The following SAMD5 variants were observed in gnomAD, a reference collection of about 807,000 sequenced individuals.
The protein encoded by SAMD5 is sterile alpha motif domain-containing protein 5.
A neutral mutation model predicts 11.3 loss-of-function variants in SAMD5; 13 were observed. The observed-to-expected ratio is 1.15, with a 90% CI of 0.75 to 1.83. The LOEUF (loss-of-function observed/expected upper bound fraction) is 1.83, where lower values mean the gene tolerates loss of function less well. Ranked by LOEUF, SAMD5 falls within the 40% of genes most tolerant of loss-of-function variation. SAMD5 has a pLI of 0.00. For synonymous variants in SAMD5, 129 were observed against 111.3 expected (o/e 1.16, Z -1.00); for missense variants, 255 against 239.1 (o/e 1.07, Z -0.44).
At chr6:147,875,559 C>T in the SAMD5 span, among the ~76,000 whole-genome samples, 1 of 152,172 alleles carries the variant, frequency 6.6e-6, no homozygotes, top group Admixed American at 6.6e-5. Flanking sequence ...GTCCCCAGCC[C>T]CTGGTCTGTG....
At chr6:147,793,591 G>T in the SAMD5 span, among the ~76,000 whole-genome samples, 166 of 152,126 alleles carry the variant, frequency 1.1e-3, no homozygotes, top group African/African-American at 3.9e-3. Context: ...CAAACAACTG[G>T]GTATTATTTT....
chr6:147,759,882 A>G, the SAMD5 span, among the ~76,000 whole-genome samples: 1 of 152,222 alleles, frequency 6.6e-6, no homozygotes, highest in African/African-American at 2.4e-5. Context: ...TTACAATATT[A>G]TACAGAATAT....
the SAMD5 span, among the ~76,000 whole-genome samples, chr6:147,885,972 AG>A: frequency 1.1e-3 from 169 of 152,330 alleles, no homozygotes; most frequent in Admixed American, 2.7e-3. Flanking sequence ...AACATCAAAA[AG>A]TTTTCCAACT....
At chr6:147,778,729 T>C in the SAMD5 span, among the ~76,000 whole-genome samples, 1 of 152,138 alleles carries the variant, frequency 6.6e-6, no homozygotes, top group Non-Finnish European at 1.5e-5. Flanking sequence ...CCTTATCTGC[T>C]CTATTCTTCA....
chr6:147,910,047 G>C, the SAMD5 span, among the ~76,000 whole-genome samples: 3 of 152,092 alleles, frequency 2.0e-5, no homozygotes, highest in African/African-American at 7.2e-5. Context: ...AGAGCATTTA[G>C]TTTTCATAGA....
the SAMD5 span, among the ~76,000 whole-genome samples, chr6:147,814,970 G>T: frequency 6.6e-6 from 1 of 152,330 alleles, no homozygotes; most frequent in East Asian, 1.9e-4. Flanking sequence ...ACAGGTACCA[G>T]ATCTAAGGAG....
chr6:147,595,732 G>T (rs1789521860), intron 1 of SAMD5, among the ~76,000 whole-genome samples: 1 of 151,678 alleles, frequency 6.6e-6, no homozygotes, highest in African/African-American at 2.4e-5. Context: ...TCACCATGTT[G>T]GCCAGGAGGG....
chr6:147,593,073 A>T (rs1159542121), intron 1 of SAMD5, among the ~76,000 whole-genome samples: 1 of 152,112 alleles, frequency 6.6e-6, no homozygotes, highest in Non-Finnish European at 1.5e-5. Flanking sequence ...TGTTGGGGAA[A>T]TGGTGTGGTA....
At chr6:147,666,441 C>G (rs1790722252) in intron 1 of SAMD5, among the ~76,000 whole-genome samples, 1 of 152,160 alleles carries the variant, frequency 6.6e-6, no homozygotes. Context: ...GTCCTCCAGC[C>G]TGTTTCTGCT....
intron 1 of SAMD5, among the ~76,000 whole-genome samples, chr6:147,596,892 C>T (rs1789539829): frequency 6.6e-6 from 1 of 152,174 alleles, no homozygotes; most frequent in African/African-American, 2.4e-5. Context: ...TGTTTCTTTA[C>T]ATTTATTCAG....
chr6:147,744,405 T>C, the SAMD5 span, among the ~76,000 whole-genome samples: 1 of 152,132 alleles, frequency 6.6e-6, no homozygotes, highest in Non-Finnish European at 1.5e-5. Flanking sequence ...AGGATAAAAG[T>C]GTAACAAATG....
intron 1 of SAMD5, among the ~76,000 whole-genome samples, chr6:147,529,336 A>G (rs1269787215): frequency 1.3e-5 from 2 of 152,194 alleles, no homozygotes; most frequent in African/African-American, 2.4e-5. Context: ...CATAGATTTT[A>G]TTCTTATCTA....
the SAMD5 span, among the ~76,000 whole-genome samples, chr6:147,806,309 C>T: frequency 8.8e-5 from 11 of 124,406 alleles, no homozygotes; most frequent in African/African-American, 1.5e-4. Flanking sequence ...CGCATGCGCG[C>T]GCGCGCGCGC....
At chr6:147,769,941 A>G in the SAMD5 span, among the ~76,000 whole-genome samples, 1 of 152,252 alleles carries the variant, frequency 6.6e-6, no homozygotes, top group Non-Finnish European at 1.5e-5. Flanking sequence ...CTTGAGGAAC[A>G]GAAGCTGTTA....
At chr6:147,789,526 G>A in the SAMD5 span, among the ~76,000 whole-genome samples, 2 of 152,120 alleles carry the variant, frequency 1.3e-5, no homozygotes, top group South Asian at 4.1e-4. Context: ...TGCAAAAAGA[G>A]TGCTATTCTA....
the SAMD5 span, among the ~76,000 whole-genome samples, chr6:147,946,453 G>T: frequency 6.6e-6 from 1 of 152,202 alleles, no homozygotes; most frequent in Non-Finnish European, 1.5e-5. Flanking sequence ...AGCAGTAGAG[G>T]TGACTTTTGC....
intron 1 of SAMD5, among the ~76,000 whole-genome samples, chr6:147,525,919 C>T (rs1005415656): frequency 3.3e-5 from 5 of 152,146 alleles, no homozygotes; most frequent in African/African-American, 1.2e-4. Flanking sequence ...CATCAATCTC[C>T]AAACTAATCT....
At chr6:147,515,921 TGAA>T (rs1169948543) in intron 1 of SAMD5, among the ~76,000 whole-genome samples, 5 of 152,144 alleles carry the variant, frequency 3.3e-5, no homozygotes, top group Non-Finnish European at 5.9e-5. Context: ...CAAGGGTTAA[TGAA>T]GAAGAACTGG....
intron 1 of SAMD5, among the ~76,000 whole-genome samples, chr6:147,667,893 T>C (rs950235139): frequency 1.3e-5 from 2 of 152,202 alleles, no homozygotes; most frequent in Non-Finnish European, 2.9e-5. Context: ...GCTTATTATT[T>C]CTTTGTCCTA....
Sources: allele counts gnomAD v4.1 joint callset (sites outside exome capture counted in the v4.1 genomes callset), GRCh38; gene constraint gnomAD v4.1.1; transcripts MANE v1.5; gene names NCBI Gene and HGNC (gene_info 2026-07-23, HGNC 2026-07-21).